ZNF280D: variants seen among roughly 807,000 people sequenced by gnomAD.
The protein encoded by ZNF280D is suppressor of hairy wing homolog 4.
A neutral mutation model predicts 94.7 loss-of-function variants in ZNF280D; 39 were observed. That is an observed-to-expected ratio of 0.41 (90% confidence interval 0.32 to 0.54). The LOEUF (loss-of-function observed/expected upper bound fraction) is 0.54, where lower values mean the gene tolerates loss of function less well. Ranked by LOEUF, ZNF280D falls within the 20% of genes least tolerant of loss-of-function variation. The pLI is 0.22. For synonymous variants in ZNF280D, 398 were observed against 377.6 expected, an observed-to-expected ratio of 1.05 and a Z score of -0.63; for missense variants, 1,090 against 1,149.3, an observed-to-expected ratio of 0.95 and a Z score of 0.75.
At chr15:56,636,595 T>C (rs867182197) in intron 20 of ZNF280D, among the ~76,000 whole-genome samples, 6 of 151,112 alleles carry the variant, frequency 4.0e-5, no homozygotes, top group African/African-American at 9.7e-5. Context: ...GCGATTCTCC[T>C]GTCTCAGCCC....
chr15:56,639,560 A>T (rs1209770522), intron 20 of ZNF280D, among the ~76,000 whole-genome samples: 1 of 152,170 alleles, frequency 6.6e-6, no homozygotes, highest in Admixed American at 6.6e-5. Context: ...AAAGAAAAAA[A>T]GTAACCTAAA....
intron 21 of ZNF280D, among the ~76,000 whole-genome samples, chr15:56,632,462 A>T (rs1252197849): frequency 1.3e-5 from 2 of 151,704 alleles, no homozygotes; most frequent in Non-Finnish European, 2.9e-5. Context: ...AAAATAAAAA[A>T]ATATATTTGG....
Position 56,654,480 on chromosome 15 carries a change from T to C in ZNF280D, c.2081A>G (p.Asn694Ser). The C allele has an allele frequency of 1.2e-6, 2 of 1,606,290 alleles. No homozygotes were observed. The highest frequency in any genetic ancestry group is 1.3e-5 in the African/African-American group (1 of 74,402). The part of the protein sequence containing the change: ...NLRGITLVCL[N>S]CDFLSDVSGL... The stretch of plus-strand genomic sequence containing the variant: ...AGAAACATCACTTAGGAAATCACAA[T>C]TAAGGCACACTAGAGTAATGCCCCT... Residue 694 changes from asparagine to serine, a missense_variant, in exon 18 of 22, where the codon AAT becomes AGT. Transcript: ENST00000267807.
In ZNF280D at chr15:56,679,115, G is replaced by T. The variant is rs562869701; in HGVS notation, c.1005-294C>A. On this transcript the variant is annotated intron_variant, in intron 10 of 21. Coordinates refer to ENST00000267807, the MANE Select transcript of ZNF280D (RefSeq NM_017661.4). ...TCAGATTATTTAAAAAATTTTTTTAGATAAAAGAACAGGCTTCTGATCCAT... is the reference window on the plus strand; with the variant it reads ...TCAGATTATTTAAAAAATTTTTTTATATAAAAGAACAGGCTTCTGATCCAT... Among the ~76,000 whole-genome samples the T allele has an allele frequency of 1.5e-3, 232 of 152,004 alleles. 1 individual carries two copies. Among genetic ancestry groups the T allele is most frequent in the African/African-American group, 5.3e-3 (221 of 41,506 alleles).
intron 6 of ZNF280D, among the ~76,000 whole-genome samples, chr15:56,697,040 A>G (rs186558509): frequency 9.2e-5 from 14 of 152,260 alleles, no homozygotes; most frequent in Admixed American, 8.5e-4. Context: ...CTATTAAATA[A>G]TGTTTTGTTT....
intron 1 of ZNF280D, among the ~76,000 whole-genome samples, chr15:56,711,946 T>C (rs1333887289): frequency 6.6e-6 from 1 of 152,202 alleles, no homozygotes; most frequent in Non-Finnish European, 1.5e-5. Flanking sequence ...CTGTACTGAA[T>C]ACCGCAGGCA....
intron 1 of ZNF280D, among the ~76,000 whole-genome samples, chr15:56,712,403 G>T (rs1596622849): frequency 6.6e-6 from 1 of 151,782 alleles, no homozygotes; most frequent in South Asian, 2.1e-4. Flanking sequence ...CACTTTGGGA[G>T]GCCAAGGTTG....
chr15:56,666,299 G>A (rs1327810412), intron 16 of ZNF280D, 96 bp downstream of exon 16: 1 of 1,355,598 alleles, frequency 7.4e-7, no homozygotes, highest in East Asian at 2.4e-5. Flanking sequence ...TCCTTGAAGA[G>A]AAAAACTGGC....
chr15:56,652,186 G>A (rs903199427), intron 19 of ZNF280D, among the ~76,000 whole-genome samples: 3 of 152,186 alleles, frequency 2.0e-5, no homozygotes, highest in Admixed American at 2.0e-4. Flanking sequence ...ATAATTAATT[G>A]CAAGAAACAC....
At chr15:56,718,934 T>G (rs1389997464) in intron 1 of ZNF280D, among the ~76,000 whole-genome samples, 1 of 152,236 alleles carries the variant, frequency 6.6e-6, no homozygotes, top group Non-Finnish European at 1.5e-5. Flanking sequence ...TCAGTAATTT[T>G]CTATACACCA....
In ZNF280D at chr15:56,654,186, A is replaced by C; in HGVS notation, c.2213+12T>G. On this transcript the variant is annotated intron_variant, in intron 19 of 21. Transcript: ENST00000267807. ...ATCAAAGTAAAATGCACTGAATAAAAATTAAACTTACTCAGAAAGGTGCTC... is the reference window on the plus strand; with the variant it reads ...ATCAAAGTAAAATGCACTGAATAAACATTAAACTTACTCAGAAAGGTGCTC... 1 of 1,604,854 alleles carries C rather than the reference A, an allele frequency of 6.2e-7. No homozygotes were observed. The highest frequency in any genetic ancestry group is 8.5e-7 in the Non-Finnish European group (1 of 1,177,668).
At chr15:56,665,591 T>C (rs1412541951) in intron 16 of ZNF280D, among the ~76,000 whole-genome samples, 1 of 149,780 alleles carries the variant, frequency 6.7e-6, no homozygotes, top group Non-Finnish European at 1.5e-5. Flanking sequence ...AAAAGACAGT[T>C]GGAATACAGA....
intron 20 of ZNF280D, among the ~76,000 whole-genome samples, 200 bp downstream of exon 20, chr15:56,642,752 C>T (rs1566929416): frequency 6.6e-6 from 1 of 151,582 alleles, no homozygotes; most frequent in Non-Finnish European, 1.5e-5. Context: ...TTTGTCAAAA[C>T]AAGAATACCT....
At chr15:56,633,396 T>G (rs544916807) in intron 21 of ZNF280D, among the ~76,000 whole-genome samples, 1 of 152,262 alleles carries the variant, frequency 6.6e-6, no homozygotes, top group South Asian at 2.1e-4. Flanking sequence ...CTCTTCCCCA[T>G]AAATTTCATA....
At chr15:56,663,985 T>C (rs900217025) in intron 16 of ZNF280D, among the ~76,000 whole-genome samples, 1 of 152,212 alleles carries the variant, frequency 6.6e-6, no homozygotes, top group Admixed American at 6.5e-5. Context: ...TGTATGCTTG[T>C]AACAAAATAT....
chr15:56,692,217 A>G (rs2056461210), intron 7 of ZNF280D, among the ~76,000 whole-genome samples: 1 of 152,084 alleles, frequency 6.6e-6, no homozygotes, highest in African/African-American at 2.4e-5. Context: ...TAAATACGTA[A>G]GTGACACCCA....
chr15:56,659,895 G>GA (rs2053817014), intron 16 of ZNF280D, among the ~76,000 whole-genome samples: 1 of 150,092 alleles, frequency 6.7e-6, no homozygotes, highest in South Asian at 2.1e-4. Flanking sequence ...TATGTATAGG[G>GA]AAAAAAAGGA....
chr15:56,678,077 G>A (rs560534877), intron 11 of ZNF280D, among the ~76,000 whole-genome samples: 3 of 149,726 alleles, frequency 2.0e-5, no homozygotes, highest in Admixed American at 1.3e-4. Context: ...GCGCAATCTC[G>A]GCTTACTGCA....
At chr15:56,637,831 CCGAGA>C (rs547748597) in intron 20 of ZNF280D, among the ~76,000 whole-genome samples, 363 of 152,070 alleles carry the variant, frequency 2.4e-3, no homozygotes, top group Non-Finnish European at 4.0e-3. Flanking sequence ...TCACACCACA[CCGAGA>C]CAAGTTAAAA....
Sources: gnomAD v4.1 joint callset for allele counts (sites outside exome capture counted in the v4.1 genomes callset) on GRCh38, gnomAD v4.1.1 for gene constraint, MANE v1.5 for transcripts, NCBI Gene and HGNC (gene_info 2026-07-23, HGNC 2026-07-21) for gene names.